The following LHFPL3 variants were observed in gnomAD, a reference collection of about 807,000 sequenced individuals.
LHFPL3 encodes LHFPL tetraspan subfamily member 3 protein.
Under a neutral mutation model 19.3 loss-of-function variants are expected in LHFPL3, and 5 were observed. The ratio of observed to expected loss-of-function variants is 0.26; its 90% CI spans 0.14 to 0.54. LHFPL3 has a LOEUF of 0.54. Among genes scored for constraint, LHFPL3 ranks in the 20% least tolerant of loss-of-function variants. The pLI is 0.94. For missense variants in LHFPL3, 249 were observed against 307.4 expected (o/e 0.81, Z 1.42); for synonymous variants, 133 against 126.2 (o/e 1.05, Z -0.36).
chr7:104,346,337 T>A (rs1002460121), intron 1 of LHFPL3, among the ~76,000 whole-genome samples: 5 of 121,120 alleles, frequency 4.1e-5, no homozygotes, highest in South Asian at 2.3e-4. Context: ...GTTATCAGGG[T>A]TTTTTTTTTT....
intron 1 of LHFPL3, among the ~76,000 whole-genome samples, chr7:104,449,758 C>G (rs1792396916): frequency 6.6e-6 from 1 of 152,158 alleles, no homozygotes; most frequent in African/African-American, 2.4e-5. Flanking sequence ...CTCCAGGGTG[C>G]TTTTCTATCA....
intron 2 of LHFPL3, among the ~76,000 whole-genome samples, chr7:104,758,742 C>T (rs1562984754): frequency 1.3e-5 from 2 of 152,048 alleles, no homozygotes; most frequent in Admixed American, 6.6e-5. Context: ...AAACAAGCTA[C>T]GAGATAGATG....
At chr7:104,672,266 A>T (rs1290749015) in intron 1 of LHFPL3, among the ~76,000 whole-genome samples, 1 of 152,164 alleles carries the variant, frequency 6.6e-6, no homozygotes, top group African/African-American at 2.4e-5. Context: ...TATTTTTAAT[A>T]TCAACCCAGG....
At chr7:104,610,971 A>T (rs1791202391) in intron 1 of LHFPL3, among the ~76,000 whole-genome samples, 1 of 152,138 alleles carries the variant, frequency 6.6e-6, no homozygotes, top group Non-Finnish European at 1.5e-5. Context: ...TTTCATTTGC[A>T]CAGTAGCATG....
chr7:104,688,552 G>A (rs1283174820), intron 1 of LHFPL3, among the ~76,000 whole-genome samples: 3 of 140,352 alleles, frequency 2.1e-5, no homozygotes, highest in African/African-American at 7.8e-5. Flanking sequence ...TTTGCCAGAG[G>A]AAACAGCCTC....
chr7:104,667,935 T>A (rs1297672237), intron 1 of LHFPL3: 1 of 1,613,192 alleles, frequency 6.2e-7, no homozygotes, highest in African/African-American at 1.3e-5. Flanking sequence ...TGACGATGTG[T>A]ACAGGGCGCC....
At chr7:104,574,454 A>G (rs1003175397) in intron 1 of LHFPL3, among the ~76,000 whole-genome samples, 3 of 152,218 alleles carry the variant, frequency 2.0e-5, no homozygotes, top group African/African-American at 7.2e-5. Context: ...AGGACTTTAC[A>G]TTTTTGAAGT....
chr7:104,451,839 G>A (rs1032753984), intron 1 of LHFPL3, among the ~76,000 whole-genome samples: 1 of 152,008 alleles, frequency 6.6e-6, no homozygotes, highest in Non-Finnish European at 1.5e-5. Context: ...CCGCCTCCAG[G>A]GTTTAAGCGA....
chr7:104,625,295 A>C lies in LHFPL3; in HGVS notation c.446-111380A>C, dbSNP rs901316924. Among the ~76,000 whole-genome samples the C allele has an allele frequency of 4.6e-5, 7 of 152,396 alleles. No individual in the cohort carries two copies. The East Asian group carries it at 1.2e-3, about 25-fold the overall frequency. On this transcript the variant is annotated intron_variant, in intron 1 of 2. Coordinates refer to ENST00000424859, the MANE Select transcript of LHFPL3 (RefSeq NM_199000.3). ...AATTAATTATGACATTCATTCAAAA[A>C]CAATGACTGTAATTACATTTGGCAT...
At position 104,632,707 on chromosome 7, in the gene LHFPL3, G is replaced by A. The variant is rs112789563; in HGVS notation, c.446-103968G>A. ...TCTTGCTCCTGTCACTCAGGCTGGA[G>A]TGCAGTGGCAAGATTTGCAGCTTCA... is the stretch of plus-strand genomic sequence containing the variant. On this transcript the variant is annotated intron_variant, in intron 1 of 2. Transcript: ENST00000424859. Among the ~76,000 whole-genome samples the A allele has an allele frequency of 3.0e-3, 462 of 152,334 alleles. 2 individuals are homozygous for A. Among genetic ancestry groups the A allele is most frequent in the African/African-American group, 0.011 (437 of 41,578 alleles).
At chr7:104,768,432 C>T (rs1183020895) in intron 2 of LHFPL3, among the ~76,000 whole-genome samples, 1 of 152,144 alleles carries the variant, frequency 6.6e-6, no homozygotes, top group Admixed American at 6.6e-5. Context: ...ATGGAATCAG[C>T]AGAGTTGGGC....
intron 1 of LHFPL3, among the ~76,000 whole-genome samples, chr7:104,656,992 T>C (rs971077122): frequency 2.3e-4 from 35 of 152,360 alleles, no homozygotes; most frequent in African/African-American, 7.9e-4. Flanking sequence ...AAGAAGGTCA[T>C]GGCCTCTCAT....
chr7:104,906,159 T>A (rs746409402), intron 2 of LHFPL3, 28 bp from the exon 3 acceptor site: 9 of 1,606,098 alleles, frequency 5.6e-6, no homozygotes, highest in Non-Finnish European at 7.7e-6. Context: ...CCCACCCTTT[T>A]TCTCTCTCTT....
chr7:104,654,193 A>C (rs913709377), intron 1 of LHFPL3, among the ~76,000 whole-genome samples: 11 of 152,200 alleles, frequency 7.2e-5, no homozygotes, highest in Non-Finnish European at 1.5e-4. Context: ...ATAGCCAAGC[A>C]GATGTGATAT....
intron 1 of LHFPL3, among the ~76,000 whole-genome samples, chr7:104,566,324 C>G (rs1790124291): frequency 6.6e-6 from 1 of 152,128 alleles, no homozygotes; most frequent in Admixed American, 6.5e-5. Context: ...ACACTCCAGC[C>G]TGAGTGACAG....
At chr7:104,580,699 C>T (rs1011320371) in intron 1 of LHFPL3, among the ~76,000 whole-genome samples, 3 of 152,030 alleles carry the variant, frequency 2.0e-5, no homozygotes, top group African/African-American at 4.8e-5. Flanking sequence ...ATACTCATCG[C>T]AGTCAATCTC....
At chr7:104,434,531 A>C (rs1792063789) in intron 1 of LHFPL3, among the ~76,000 whole-genome samples, 1 of 152,192 alleles carries the variant, frequency 6.6e-6, no homozygotes, top group African/African-American at 2.4e-5. Context: ...TTTTATTTTC[A>C]ACCAAAAAAA....
At chr7:104,379,326 G>A (rs1028499590) in intron 1 of LHFPL3, among the ~76,000 whole-genome samples, 2 of 152,122 alleles carry the variant, frequency 1.3e-5, no homozygotes, top group Non-Finnish European at 2.9e-5. Flanking sequence ...GGCCTCCCTC[G>A]GCACAGATCA....
At chr7:104,653,588 G>A (rs993048729) in intron 1 of LHFPL3, among the ~76,000 whole-genome samples, 1 of 152,144 alleles carries the variant, frequency 6.6e-6, no homozygotes, top group Non-Finnish European at 1.5e-5. Flanking sequence ...AATCATTCTT[G>A]GTTCATGGGC....
Sources: allele counts gnomAD v4.1 joint callset (sites outside exome capture counted in the v4.1 genomes callset), GRCh38; gene constraint gnomAD v4.1.1; transcripts MANE v1.5; gene names NCBI Gene and HGNC (gene_info 2026-07-23, HGNC 2026-07-21).